RCHY1: variants seen among roughly 807,000 people sequenced by gnomAD.
The protein encoded by RCHY1 is ring finger and CHY zinc finger domain containing 1.
In RCHY1, 21 loss-of-function variants were observed where a neutral mutation model predicts 41.6. That is an observed-to-expected ratio of 0.51 (90% CI 0.36 to 0.73). The LOEUF is 0.73. RCHY1 is among the 30% of genes least tolerant of loss of function. The pLI, the probability that RCHY1 is intolerant of heterozygous loss-of-function variation, is 0.00. For synonymous variants in RCHY1, 79 were observed against 102.9 expected (o/e 0.77, Z 1.41); for missense variants, 265 against 325.3 (o/e 0.81, Z 1.43).
At chr4:75,494,596 T>A (rs1010139391) in intron 3 of RCHY1, among the ~76,000 whole-genome samples, 1 of 151,910 alleles carries the variant, frequency 6.6e-6, no homozygotes, top group Non-Finnish European at 1.5e-5. Context: ...CTAATTTTTT[T>A]AAATATTCCC....
At chr4:75,509,702 G>C in intron 1 of RCHY1, 1 of 168,910 alleles carries the variant, frequency 5.9e-6, no homozygotes. Flanking sequence ...AGACTCTCCC[G>C]TGCCATTCTC....
At chr4:75,504,222 C>A (rs892053182) in intron 3 of RCHY1, among the ~76,000 whole-genome samples, 1 of 152,020 alleles carries the variant, frequency 6.6e-6, no homozygotes, top group African/African-American at 2.4e-5. Flanking sequence ...TTACACGATG[C>A]ACATGTGCCA....
chr4:75,514,293 C>T lies in RCHY1; in HGVS notation c.-7G>A, dbSNP rs529778421. The stretch of plus-strand genomic sequence containing the variant: ...CCCGGGCCGTCGCCGCCATCTCCTC[C>T]ACCTCCCCTCACATTCCACCGATCC... On this transcript the variant is annotated 5_prime_UTR_variant, in exon 1 of 9. Transcript: ENST00000324439. The T allele has an allele frequency of 3.1e-6, 5 of 1,609,970 alleles. No homozygotes were observed. The highest frequency in any genetic ancestry group is 1.7e-4 in the Middle Eastern group (1 of 5,898).
At position 75,514,289 on chromosome 4, in the gene RCHY1, C is replaced by G; in HGVS notation, c.-3G>C. ...TCTTCCCGGGCCGTCGCCGCCATCT[C>G]CTCCACCTCCCCTCACATTCCACCG... On this transcript the variant is annotated 5_prime_UTR_variant, in exon 1 of 9. Coordinates refer to ENST00000324439, the MANE Select transcript of RCHY1 (RefSeq NM_015436.4). 1.9e-6 allele frequency: 3 copies of G among 1,610,976 alleles called. No homozygotes were observed. Among genetic ancestry groups the G allele is most frequent in the Non-Finnish European group, 1.7e-6 (2 of 1,177,552 alleles).
intron 1 of RCHY1, among the ~76,000 whole-genome samples, chr4:75,511,055 T>C (rs146833150): frequency 0.011 from 1,749 of 152,278 alleles, 13 homozygotes; most frequent in Admixed American, 0.019. Context: ...TCTGAAATCG[T>C]ATCAAGGAAT....
chr4:75,491,516 T>A (rs1722746835), intron 7 of RCHY1, 95 bp downstream of exon 7: 1 of 1,104,658 alleles, frequency 9.1e-7, no homozygotes, highest in Non-Finnish European at 1.3e-6. Context: ...CCATGCCCAA[T>A]ATAGTATAAG....
Position 75,487,759 on chromosome 4 carries a change from T to TATATATTCATATATATTCATA in RCHY1, c.657+2821_657+2822insTATGAATATATATGAATATAT, listed in dbSNP as rs1560513375. On this transcript the variant is annotated intron_variant, in intron 8 of 8. Transcript: ENST00000324439. The stretch of plus-strand genomic sequence containing the variant: ...TATATATTCATATATATATTCATAA[T>TATATATTCATATATATTCATA]ATATATATTCATATATATATTCATA... 2.5e-3 allele frequency among the ~76,000 whole-genome samples: 62 copies of TATATATTCATATATATTCATA among 24,892 alleles called. 4 individuals are homozygous for TATATATTCATATATATTCATA. The highest frequency in any genetic ancestry group is 4.3e-3 in the Admixed American group (9 of 2,114). The allele number at this position is 24,892 out of a possible 152,430, so 16.3% of individuals were successfully genotyped here. A position where few individuals can be genotyped will look rare whatever the true frequency, so the allele number is the denominator to read the frequency against.
chr4:75,482,550 C>A lies in RCHY1; in HGVS notation c.774G>T (p.Leu258=). Residue 258 remains leucine, a synonymous_variant, in exon 9 of 9, where the codon CTG becomes CTT. Transcript: ENST00000324439. ...CTGTGTAGGCTCGTCATTGCTGATC[C>A]AGTGAAATTCTACGTCCTCCAGCTT... ...TAQAGGRRIS[L]DQQ 6.2e-7 allele frequency: 1 copy of A among 1,601,736 alleles called. No individual in the cohort carries two copies. The highest frequency in any genetic ancestry group is 1.7e-5 in the Admixed American group (1 of 58,692).
intron 3 of RCHY1, among the ~76,000 whole-genome samples, chr4:75,500,202 G>A (rs894473209): frequency 2.6e-5 from 4 of 152,142 alleles, no homozygotes; most frequent in African/African-American, 9.7e-5. Flanking sequence ...TTATATGAAT[G>A]CACTGAATTA....
At chr4:75,514,551 C>T, upstream of RCHY1, 1 of 370,080 alleles carries the variant, frequency 2.7e-6, no homozygotes, top group Non-Finnish European at 4.9e-6. Flanking sequence ...TGTTTTCCCC[C>T]AATCGCTACC....
intron 3 of RCHY1, among the ~76,000 whole-genome samples, chr4:75,495,068 G>T (rs1348176004): frequency 6.6e-6 from 1 of 151,736 alleles, no homozygotes; most frequent in Non-Finnish European, 1.5e-5. Context: ...GAATATCAAT[G>T]TTTTCATTCG....
chr4:75,504,211 T>C (rs903493106), intron 3 of RCHY1, among the ~76,000 whole-genome samples: 1 of 152,198 alleles, frequency 6.6e-6, no homozygotes, highest in Non-Finnish European at 1.5e-5. Flanking sequence ...GTATCAGTTA[T>C]TTACACGATG....
chr4:75,498,771 C>T (rs979474861), intron 3 of RCHY1, among the ~76,000 whole-genome samples: 7 of 152,186 alleles, frequency 4.6e-5, no homozygotes, highest in East Asian at 1.9e-4. Context: ...TCTCTCTCAC[C>T]GTACACAGAA....
rs1323795061 is a variant in RCHY1, at chr4:75,487,798, TATATATATTCATA to T, written c.657+2770_657+2782del. ...TATATATTCATAATATATATATTCA[TATATATATTCATA>T]ATATATATTCATAATATATATATTC... is the stretch of plus-strand genomic sequence containing the variant. On this transcript the variant is annotated intron_variant, in intron 8 of 8. Coordinates refer to ENST00000324439, the MANE Select transcript of RCHY1 (RefSeq NM_015436.4). Among the ~76,000 whole-genome samples the T allele has an allele frequency of 1.2e-3, 103 of 83,056 alleles. 1 individual carries two copies. The highest frequency in any genetic ancestry group is 5.1e-3 in the African/African-American group (81 of 15,804). 54.5% of individuals were successfully genotyped at this position (83,056 alleles called of 152,430 possible).
At chr4:75,491,374 G>C (rs966242086) in intron 7 of RCHY1, 3 of 378,310 alleles carry the variant, frequency 7.9e-6, no homozygotes, top group African/African-American at 4.2e-5. Flanking sequence ...AAAAAAAGAG[G>C]TAACTACCTC....
At chr4:75,498,302 A>G (rs2148745593) in intron 3 of RCHY1, among the ~76,000 whole-genome samples, 1 of 152,100 alleles carries the variant, frequency 6.6e-6, no homozygotes, top group Admixed American at 6.5e-5. Context: ...GCCAGTAACA[A>G]GTAATGAGAC....
intron 3 of RCHY1, 88 bp from the exon 4 acceptor site, chr4:75,494,267 T>G: frequency 1.1e-6 from 1 of 939,348 alleles, no homozygotes; most frequent in Non-Finnish European, 1.6e-6. Flanking sequence ...GTTTAGTCTC[T>G]GTAAAAAAAA....
intron 3 of RCHY1, among the ~76,000 whole-genome samples, chr4:75,496,443 C>A (rs1723218873): frequency 6.6e-6 from 1 of 152,010 alleles, no homozygotes; most frequent in Admixed American, 6.6e-5. Context: ...CACAGAGAAA[C>A]CTCTGAAATA....
upstream of RCHY1, chr4:75,514,583 T>A: frequency 3.4e-6 from 1 of 295,504 alleles, no homozygotes; most frequent in Non-Finnish European, 6.3e-6. Context: ...CAGGGCGTAG[T>A]TCGGCGCGAG....
Sources: allele counts gnomAD v4.1 joint callset (sites outside exome capture counted in the v4.1 genomes callset), GRCh38; gene constraint gnomAD v4.1.1; transcripts MANE v1.5; gene names NCBI Gene and HGNC (gene_info 2026-07-23, HGNC 2026-07-21).